ZNF564: variants seen among roughly 807,000 people sequenced by gnomAD.
ZNF564 encodes zinc finger protein 564.
In ZNF564, 5 loss-of-function variants were observed where a neutral mutation model predicts 10.5. The observed-to-expected ratio is 0.48, with a 90% confidence interval of 0.25 to 1.00. The LOEUF (loss-of-function observed/expected upper bound fraction) is 1.00, where lower values mean the gene tolerates loss of function less well. Ranked by LOEUF, ZNF564 falls within the 50% of genes least tolerant of loss-of-function variation. ZNF564 has a pLI of 0.16. For synonymous variants in ZNF564, 242 were observed against 218.1 expected (o/e 1.11, Z -0.97); for missense variants, 603 against 669.7 (o/e 0.90, Z 1.10).
At position 12,526,366 on chromosome 19, in the gene ZNF564, A is replaced by G. The variant is rs1390048554; in HGVS notation, c.*80T>C. ...AACAGGAGAAAGGGGTGAGCTCCCA[A>G]ACAAGTCTGAAACCCAGAAAGCAAA... On this transcript the variant is annotated 3_prime_UTR_variant, in exon 4 of 4. Coordinates refer to ENST00000339282, the MANE Select transcript of ZNF564 (RefSeq NM_144976.4). 1 of 1,430,332 alleles carries G rather than the reference A, an allele frequency of 7.0e-7. No individual in the cohort carries two copies. Among genetic ancestry groups the G allele is most frequent in the African/African-American group, 1.4e-5 (1 of 69,936 alleles). The allele number at this position is 1,430,332 out of a possible 1,614,324, so 88.6% of individuals were successfully genotyped here.
intron 1 of ZNF564, among the ~76,000 whole-genome samples, chr19:12,541,962 G>A (rs2022059957): frequency 1.4e-5 from 2 of 138,018 alleles, no homozygotes; most frequent in Non-Finnish European, 3.0e-5. Flanking sequence ...GTTGCAGTGA[G>A]CCAAGATTGT....
chr19:12,527,034 A>G lies in ZNF564; in HGVS notation c.1074T>C (p.Thr358=). ...ATTCATAGGGCTTCTCTCCAGTGTG[A>G]GTCCTTTCATGTGTTCGAACATTAC... ...SSSNVRTHER[T]HTGEKPYECK... Residue 358 remains threonine, a synonymous_variant, in exon 4 of 4, where the codon ACT becomes ACC. Coordinates refer to ENST00000339282, the MANE Select transcript of ZNF564 (RefSeq NM_144976.4). 6.2e-7 allele frequency: 1 copy of G among 1,614,084 alleles called. No homozygotes were observed. The highest frequency in any genetic ancestry group is 1.1e-5 in the South Asian group (1 of 91,076).
chr19:12,539,431 G>A (rs1285824389), intron 1 of ZNF564, among the ~76,000 whole-genome samples: 7 of 151,112 alleles, frequency 4.6e-5, no homozygotes, highest in Non-Finnish European at 8.9e-5. Context: ...AGGCCGAGGC[G>A]GGTGGATCAC....
intron 1 of ZNF564, among the ~76,000 whole-genome samples, chr19:12,551,036 G>A (rs1468739150): frequency 6.6e-6 from 1 of 152,232 alleles, no homozygotes; most frequent in African/African-American, 2.4e-5. Context: ...ACCCTCCCGT[G>A]TCCCAGTACA....
intron 1 of ZNF564, among the ~76,000 whole-genome samples, chr19:12,533,732 A>C (rs2021853078): frequency 6.7e-6 from 1 of 148,946 alleles, no homozygotes; most frequent in East Asian, 1.9e-4. Flanking sequence ...GTCTCCAAAA[A>C]AAAAAAAAAA....
chr19:12,533,338 A>G (rs1418798045), intron 1 of ZNF564, among the ~76,000 whole-genome samples: 1 of 152,216 alleles, frequency 6.6e-6, no homozygotes, highest in Admixed American at 6.5e-5. Context: ...TTTATCAAAA[A>G]TTAGGGTATG....
At chr19:12,538,808 C>CA (rs977580190) in intron 1 of ZNF564, among the ~76,000 whole-genome samples, 5 of 145,042 alleles carry the variant, frequency 3.4e-5, no homozygotes, top group African/African-American at 7.6e-5. Flanking sequence ...GACCCTGTCT[C>CA]AAAAAAAAAA....
Position 12,527,984 on chromosome 19 carries a change from C to T in ZNF564, c.192-68G>A, listed in dbSNP as rs139201991. 5 of 1,474,846 alleles carry T rather than the reference C, an allele frequency of 3.4e-6. No homozygotes were observed. In the African/African-American group the frequency reaches 5.7e-5, roughly 17 times the overall value. 91.4% of individuals were successfully genotyped at this position (1,474,846 alleles called of 1,614,324 possible). ...TATTTATTAATAGGTATTCGACTTA[C>T]ATTTTTACCATAATCGCGGAAAGGG... On this transcript the variant is annotated intron_variant, in intron 3 of 3. Transcript: ENST00000339282.
chr19:12,528,327 GT>G lies in ZNF564; in HGVS notation c.167del (p.Tyr56SerfsTer8). 3 of 1,610,124 alleles carry G rather than the reference GT, an allele frequency of 1.9e-6. No homozygotes were observed. The highest frequency in any genetic ancestry group is 2.5e-6 in the Non-Finnish European group (3 of 1,179,154). ...ACCTTAAAATTCTCCCCTGATTTTT[GT>G]ACCAATCTTCAATGCTCTGGTCTTC... ...KWEDQSIEDW[Y>X]KNQGRILRNH... On this transcript the variant is annotated frameshift_variant, in exon 3 of 4. Coordinates refer to ENST00000339282, the MANE Select transcript of ZNF564 (RefSeq NM_144976.4). LOFTEE classifies it low-confidence loss of function (END_TRUNC).
Position 12,551,467 on chromosome 19 carries a change from C to G in ZNF564, c.-135G>C. 7.0e-7 allele frequency: 1 copy of G among 1,427,478 alleles called. No individual in the cohort carries two copies. Among genetic ancestry groups the G allele is most frequent in the South Asian group, 1.5e-5 (1 of 68,942 alleles). The allele number at this position is 1,427,478 out of a possible 1,614,324, so 88.4% of individuals were successfully genotyped here. On this transcript the variant is annotated 5_prime_UTR_variant, in exon 1 of 4. Transcript: ENST00000339282. ...GAGACCGGAACCCAAACGCAGCGGA[C>G]ACGAAACAGGAAGACCCCGCGGAGT...
intron 1 of ZNF564, among the ~76,000 whole-genome samples, chr19:12,542,014 CAAAAAAAAAAAA>C (rs74180077): frequency 1.8e-5 from 1 of 56,266 alleles, no homozygotes; most frequent in Non-Finnish European, 3.0e-5. Context: ...AGACTCTGTC[CAAAAAAAAAAAA>C]AAAAAAAAGA....
Position 12,526,570 on chromosome 19 carries a change from G to A in ZNF564, c.1538C>T (p.Thr513Met), listed in dbSNP as rs182682321. The change falls in exon 4 of 4, where the codon ACG becomes ATG. Residue 513 changes from threonine to methionine, a missense_variant. Transcript: ENST00000339282. ...TTGAAAGGAACTGGAATAACTGAAC[G>A]TTTTTCCACATTGCTTACATTCATA... ...KPYECKQCGK[T>M]FSYSSSFQRH... 1.6e-3 allele frequency: 2,592 copies of A among 1,614,066 alleles called. 42 individuals are homozygous for A. The Admixed American group carries it at 0.028, about 18-fold the overall frequency.
intron 1 of ZNF564, among the ~76,000 whole-genome samples, chr19:12,532,521 C>T (rs1379372888): frequency 5.3e-5 from 6 of 113,006 alleles, no homozygotes; most frequent in Admixed American, 4.0e-4. Context: ...GGCGACAGAG[C>T]GAGACTCCGT....
intron 3 of ZNF564, 52 bp downstream of exon 3, chr19:12,528,252 T>G (rs2021732447): frequency 6.6e-7 from 1 of 1,514,624 alleles, no homozygotes; most frequent in South Asian, 1.2e-5. Context: ...TTTTTAAAAT[T>G]TCATGACATA....
chr19:12,547,941 A>G (rs2022184070), intron 1 of ZNF564, among the ~76,000 whole-genome samples: 1 of 149,970 alleles, frequency 6.7e-6, no homozygotes, highest in Admixed American at 6.7e-5. Flanking sequence ...CCTCCCGAGT[A>G]GCTGGGATTA....
chr19:12,549,775 T>C (rs1023636150), intron 1 of ZNF564, among the ~76,000 whole-genome samples: 1 of 152,106 alleles, frequency 6.6e-6, no homozygotes, highest in African/African-American at 2.4e-5. Flanking sequence ...CCTTAAGCTG[T>C]CCTCTGGGAG....
At chr19:12,529,415 C>T (rs1005392296) in intron 1 of ZNF564, among the ~76,000 whole-genome samples, 5 of 151,754 alleles carry the variant, frequency 3.3e-5, no homozygotes, top group Admixed American at 2.0e-4. Flanking sequence ...ACCAGCCTGA[C>T]CAACACAGTG....
chr19:12,527,878 T>C lies in ZNF564; in HGVS notation c.230A>G (p.Tyr77Cys), dbSNP rs2021722338. ...MEEGLSESKE[Y>C]DQCGEAFSQI... The stretch of plus-strand genomic sequence containing the variant: ...ACTGAAGGCTTCTCCACATTGATCA[T>C]ATTCTTTACTTTCACTGAGTCCCTC... The change falls in exon 4 of 4, where the codon TAT (tyrosine) becomes TGT (cysteine). Residue 77 changes from tyrosine (Y) to cysteine (C), a missense_variant. Transcript: ENST00000339282. 3.1e-6 allele frequency: 5 copies of C among 1,610,370 alleles called. No homozygotes were observed. The highest frequency in any genetic ancestry group is 4.2e-6 in the Non-Finnish European group (5 of 1,177,972).
At chr19:12,529,432 C>T (rs1236449814) in intron 1 of ZNF564, among the ~76,000 whole-genome samples, 5 of 151,504 alleles carry the variant, frequency 3.3e-5, no homozygotes, top group Non-Finnish European at 1.5e-5. Context: ...AGTGAAACCC[C>T]GTCTCTACCA....
Sources: gnomAD v4.1 joint callset for allele counts (sites outside exome capture counted in the v4.1 genomes callset) on GRCh38, gnomAD v4.1.1 for gene constraint, MANE v1.5 for transcripts, NCBI Gene and HGNC (gene_info 2026-07-23, HGNC 2026-07-21) for gene names.